The following BAIAP2 variants were observed in gnomAD, a reference collection of about 807,000 sequenced individuals.
BAIAP2 encodes BAR/IMD domain-containing adapter protein 2.
Under a neutral mutation model 63.0 loss-of-function variants are expected in BAIAP2, and 18 were observed. The ratio of observed to expected loss-of-function variants is 0.29; its 90% CI spans 0.20 to 0.42. The LOEUF is 0.42. BAIAP2 is among the 10% of genes least tolerant of loss of function. BAIAP2 has a pLI of 1.00. For missense variants in BAIAP2, 610 were observed against 734.3 expected, an observed-to-expected ratio of 0.83 and a Z score of 1.96; for synonymous variants, 386 against 307.6, an observed-to-expected ratio of 1.25 and a Z score of -2.67.
At chr17:81,094,339 C>CT (rs1419252772) in intron 6 of BAIAP2, among the ~76,000 whole-genome samples, 2 of 152,176 alleles carry the variant, frequency 1.3e-5, no homozygotes, top group Non-Finnish European at 2.9e-5. Context: ...CAATACCAAG[C>CT]TGTGGGTCTG....
rs528941144 is a variant in BAIAP2 at position 81,052,173 on chromosome 17, C to T, written c.55-1495C>T. Among the ~76,000 whole-genome samples the T allele has an allele frequency of 3.9e-5, 6 of 152,360 alleles. No homozygotes were observed. The South Asian group carries it at 6.2e-4, about 16-fold the overall frequency. Reference sequence around the variant, plus strand: ...CAGGAACTCACCATGGGCCCTGCCTCGGGGCCTTTGCCCTGCCCTGGTCTG... The same window carrying T: ...CAGGAACTCACCATGGGCCCTGCCTTGGGGCCTTTGCCCTGCCCTGGTCTG... On this transcript the variant is annotated intron_variant, in intron 1 of 13. Coordinates refer to ENST00000428708, the MANE Select transcript of BAIAP2 (RefSeq NM_001144888.2).
chr17:81,077,203 T>G (rs2053805397), intron 3 of BAIAP2, among the ~76,000 whole-genome samples: 1 of 152,204 alleles, frequency 6.6e-6, no homozygotes, highest in South Asian at 2.1e-4. Flanking sequence ...GGCAGTCAGC[T>G]AGCTCAACTG....
At chr17:81,104,177 A>T in intron 9 of BAIAP2, 69 bp downstream of exon 9, 3 of 1,536,274 alleles carry the variant, frequency 2.0e-6, no homozygotes, top group East Asian at 2.3e-5. Flanking sequence ...CAGTCATGCC[A>T]CAACCCTCAA....
chr17:81,052,827 C>G (rs1310565545), intron 1 of BAIAP2, among the ~76,000 whole-genome samples: 2 of 152,186 alleles, frequency 1.3e-5, no homozygotes, highest in Admixed American at 1.3e-4. Context: ...TGCGACAGGG[C>G]TGGGCGGCTT....
intron 3 of BAIAP2, among the ~76,000 whole-genome samples, chr17:81,064,096 G>GGC (rs1056239511): frequency 5.9e-5 from 9 of 152,250 alleles, no homozygotes; most frequent in African/African-American, 2.2e-4. Flanking sequence ...GGCCATATGG[G>GGC]GCCAGGGTTG....
intron 6 of BAIAP2, among the ~76,000 whole-genome samples, chr17:81,094,528 C>T (rs1049098104): frequency 6.6e-6 from 1 of 152,148 alleles, no homozygotes; most frequent in African/African-American, 2.4e-5. Context: ...CCAGCTCTTC[C>T]ACCTGCCACC....
intron 13 of BAIAP2, among the ~76,000 whole-genome samples, chr17:81,114,559 G>A (rs921773163): frequency 6.6e-6 from 1 of 152,238 alleles, no homozygotes; most frequent in African/African-American, 2.4e-5. Flanking sequence ...TTTCAGCAGG[G>A]TGCCAATGCT....
intron 3 of BAIAP2, among the ~76,000 whole-genome samples, chr17:81,059,253 G>A (rs1312019392): frequency 1.3e-5 from 2 of 152,222 alleles, no homozygotes; most frequent in African/African-American, 4.8e-5. Context: ...GGGAGGAGAG[G>A]AGGAGGCACT....
rs550473733 is a variant in BAIAP2 at position 81,054,731 on chromosome 17, C to A, written c.130+988C>A. On this transcript the variant is annotated intron_variant, in intron 2 of 13. Coordinates refer to ENST00000428708, the MANE Select transcript of BAIAP2 (RefSeq NM_001144888.2). Reference sequence around the variant, plus strand: ...GGGGACTGGTGGCTGCAGGGACATTCCATTCTTCCCACTGTCTCCCTGAGA... The same window carrying A: ...GGGGACTGGTGGCTGCAGGGACATTACATTCTTCCCACTGTCTCCCTGAGA... 4.5e-3 allele frequency among the ~76,000 whole-genome samples: 686 copies of A among 152,280 alleles called. 6 individuals are homozygous for A. The highest frequency in any genetic ancestry group is 0.015 in the African/African-American group (639 of 41,534).
chr17:81,085,453 T>A, intron 4 of BAIAP2: 1 of 694,798 alleles, frequency 1.4e-6, no homozygotes, highest in Non-Finnish European at 2.6e-6. Context: ...CGTTCCAGAC[T>A]CCTGTTCAGC....
intron 13 of BAIAP2, chr17:81,110,001 T>G (rs977530600): frequency 4.1e-6 from 4 of 985,462 alleles, no homozygotes; most frequent in Non-Finnish European, 4.8e-6. Context: ...TCTCGTCTTT[T>G]TGTGTGTCTT....
intron 3 of BAIAP2, among the ~76,000 whole-genome samples, chr17:81,066,215 G>C (rs939858232): frequency 3.3e-5 from 5 of 152,202 alleles, no homozygotes; most frequent in Non-Finnish European, 7.3e-5. Flanking sequence ...TGATCACAGG[G>C]CGTGTGTGTA....
At chr17:81,108,224 C>A (rs1421746324) in intron 12 of BAIAP2, 6 of 586,112 alleles carry the variant, frequency 1.0e-5, no homozygotes, top group Non-Finnish European at 1.8e-5. Flanking sequence ...GTGCAACAAG[C>A]ACACAAATTG....
At chr17:81,111,025 C>G (rs2059865507) in intron 13 of BAIAP2, 54 of 1,590,174 alleles carry the variant, frequency 3.4e-5, no homozygotes, top group Non-Finnish European at 4.5e-5. Flanking sequence ...GCCCTCTGGC[C>G]TCAGTCACGC....
intron 1 of BAIAP2, chr17:81,053,397 T>C: frequency 2.0e-6 from 1 of 490,998 alleles, no homozygotes; most frequent in Non-Finnish European, 3.7e-6. Context: ...GCAAATGCGC[T>C]CCTTCAGCCC....
intron 1 of BAIAP2, among the ~76,000 whole-genome samples, chr17:81,038,751 G>A (rs1018623810): frequency 5.1e-4 from 77 of 152,322 alleles, no homozygotes; most frequent in African/African-American, 1.6e-3. Context: ...CCGGCTGCCC[G>A]GGCCTGGCTG....
chr17:81,037,795 C>A (rs1252691323), intron 1 of BAIAP2, among the ~76,000 whole-genome samples: 1 of 152,278 alleles, frequency 6.6e-6, no homozygotes, highest in Non-Finnish European at 1.5e-5. Context: ...GCCTTAACTG[C>A]AGTTCTGAGT....
intron 6 of BAIAP2, among the ~76,000 whole-genome samples, chr17:81,089,887 C>T (rs1455168039): frequency 6.6e-6 from 1 of 152,152 alleles, no homozygotes; most frequent in Admixed American, 6.5e-5. Context: ...CCCAGCAGCC[C>T]CCTTGGAAAG....
chr17:81,070,208 C>G (rs1202029212), intron 3 of BAIAP2, among the ~76,000 whole-genome samples: 5 of 152,232 alleles, frequency 3.3e-5, no homozygotes, highest in Non-Finnish European at 7.3e-5. Context: ...ATCCTCCTAT[C>G]TCGGCCTCCC....
Sources: allele counts gnomAD v4.1 joint callset (sites outside exome capture counted in the v4.1 genomes callset), GRCh38; gene constraint gnomAD v4.1.1; transcripts MANE v1.5; gene names NCBI Gene and HGNC (gene_info 2026-07-23, HGNC 2026-07-21).